The following ENTPD3 variants were observed in gnomAD, a reference collection of about 807,000 sequenced individuals.
The protein encoded by ENTPD3 is CD39 antigen-like 3.
ENTPD3 carries 60 observed loss-of-function variants against 51.2 expected under a neutral mutation model. That is an observed-to-expected ratio of 1.17 (90% confidence interval 0.95 to 1.45). The LOEUF is 1.45. Ranked by LOEUF, ENTPD3 falls within the 40% of genes most tolerant of loss-of-function variation. ENTPD3 has a pLI of 0.00. For synonymous variants in ENTPD3, 221 were observed against 238.4 expected (o/e 0.93, Z 0.67); for missense variants, 593 against 641.1 (o/e 0.93, Z 0.81).
At chr3:40,393,654 TAA>T (rs34726619) in intron 3 of ENTPD3, among the ~76,000 whole-genome samples, 1 of 150,952 alleles carries the variant, frequency 6.6e-6, no homozygotes, top group Non-Finnish European at 1.5e-5. Context: ...AATTAAAAAT[TAA>T]AAAAAAACCT....
At position 40,427,477 on chromosome 3, in the gene ENTPD3, ATGCC is replaced by A; in HGVS notation, c.1561_1564del (p.Ala521LeufsTer42). 2 of 1,613,376 alleles carry A rather than the reference ATGCC, an allele frequency of 1.2e-6. No individual in the cohort carries two copies. The highest frequency in any genetic ancestry group is 1.7e-6 in the Non-Finnish European group (2 of 1,180,008). The stretch of plus-strand genomic sequence containing the variant: ...ACCAGAAGAAAGAGGCACTCCGAGC[ATGCC>A]TTTGACCATGCAGTGGATTCTGACT... On this transcript the variant is annotated frameshift_variant, in exon 11 of 11. Coordinates refer to ENST00000301825, the MANE Select transcript of ENTPD3 (RefSeq NM_001248.4). LOFTEE classifies it high-confidence loss of function.
chr3:40,401,073 G>A (rs1394368902), intron 4 of ENTPD3, 62 bp downstream of exon 4: 2 of 1,237,738 alleles, frequency 1.6e-6, no homozygotes, highest in African/African-American at 1.5e-5. Context: ...TAAGTGTTTT[G>A]GAGGCCTGGA....
rs1956010294 is a variant in ENTPD3 at position 40,427,600 on chromosome 3, T to C, written c.*92T>C. On this transcript the variant is annotated 3_prime_UTR_variant, in exon 11 of 11. Transcript: ENST00000301825. ...AGGTGAAGTGGCTGCCTTCAGGAAA[T>C]ACAACTAACTAAAATCAAACACCTA... 1.3e-5 allele frequency: 12 copies of C among 920,820 alleles called. No homozygotes were observed. In the South Asian group the frequency reaches 1.8e-4, roughly 14 times the overall value. 57.0% of individuals were successfully genotyped at this position (920,820 alleles called of 1,614,324 possible). A position where few individuals can be genotyped will look rare whatever the true frequency, so the allele number is the denominator to read the frequency against.
chr3:40,421,046 C>T (rs1390950230), intron 7 of ENTPD3, among the ~76,000 whole-genome samples: 5 of 141,818 alleles, frequency 3.5e-5, no homozygotes, highest in Admixed American at 7.0e-5. Context: ...TTTTTTGAGA[C>T]GGAGTCTTGC....
rs531984275 is a variant in ENTPD3 at position 40,387,280 on chromosome 3, G to A, written c.-13+19G>A. ...CGCACAGGTAAGATCAGGGGACCCG[G>A]CGCCTGAGCTGCCGAGGAAGGAGTC... On this transcript the variant is annotated intron_variant, in intron 1 of 10. Transcript: ENST00000301825. The A allele has an allele frequency of 2.1e-3, 327 of 152,586 alleles. No homozygotes were observed. The highest frequency in any genetic ancestry group is 4.1e-3 in the Non-Finnish European group (278 of 68,224). 9.5% of individuals were successfully genotyped at this position (152,586 alleles called of 1,614,324 possible).
chr3:40,388,576 AC>A, intron 2 of ENTPD3, among the ~76,000 whole-genome samples: 1 of 62,454 alleles, frequency 1.6e-5, no homozygotes, highest in South Asian at 1.0e-3. Flanking sequence ...TGGAAGGCAC[AC>A]ACACACAGAC....
At position 40,414,801 on chromosome 3, in the gene ENTPD3, A is replaced by G; in HGVS notation, c.558A>G (p.Gly186=). The G allele has an allele frequency of 6.2e-7, 1 of 1,614,022 alleles. No individual in the cohort carries two copies. Among genetic ancestry groups the G allele is most frequent in the Non-Finnish European group, 8.5e-7 (1 of 1,179,956 alleles). ...IISGQEEGVY[G]WITANYLMGN... ...CTGGGCAAGAAGAAGGGGTATATGG[A>G]TGGATTACAGCCAACTATTTAATGG... Residue 186 remains glycine (G), a synonymous_variant, in exon 6 of 11, where the codon GGA becomes GGG. Transcript: ENST00000301825.
chr3:40,427,353 C>A lies in ENTPD3; in HGVS notation c.1435C>A (p.Arg479Ser). ...NQIPAESPLI[R>S]LPIEPPVFVG... ...GATCCCAGCTGAAAGCCCTCTGATCCGTCTGCCCATAGAACCACCTGTCTT... is the reference window on the plus strand; with the variant it reads ...GATCCCAGCTGAAAGCCCTCTGATCAGTCTGCCCATAGAACCACCTGTCTT... The change falls in exon 11 of 11, where the codon CGT (arginine) becomes AGT (serine). Residue 479 changes from arginine (R) to serine (S), a missense_variant. Transcript: ENST00000301825. The A allele has an allele frequency of 6.2e-7, 1 of 1,614,162 alleles. No homozygotes were observed. The highest frequency in any genetic ancestry group is 8.5e-7 in the Non-Finnish European group (1 of 1,180,030).
At chr3:40,387,879 C>T in intron 1 of ENTPD3, 167 bp from the exon 2 acceptor site, 1 of 569,186 alleles carries the variant, frequency 1.8e-6, no homozygotes, top group Non-Finnish European at 3.2e-6. Flanking sequence ...ATTTAAGCTC[C>T]AGCTTTGGGG....
intron 10 of ENTPD3, among the ~76,000 whole-genome samples, chr3:40,426,164 A>G (rs1349240097): frequency 7.5e-6 from 1 of 134,036 alleles, no homozygotes; most frequent in African/African-American, 2.8e-5. Flanking sequence ...GCTGGAGTGC[A>G]ATGGTGTGAT....
rs145124056 is a variant in ENTPD3, at chr3:40,411,953, G to A, written c.428G>A (p.Arg143His). 26 of 1,609,920 alleles carry A rather than the reference G, an allele frequency of 1.6e-5. 1 individual carries two copies. Among genetic ancestry groups the A allele is most frequent in the Admixed American group, 1.3e-4 (8 of 59,322 alleles). The change falls in exon 5 of 11, where the codon CGC becomes CAC. Residue 143 changes from arginine to histidine, a missense_variant. Physicochemically the swap from Arg to His is conservative, Grantham distance 29. Transcript: ENST00000301825. ...CACCTGGGAGCCACGGCTGGGATGC[G>A]CTTGCTGAGGTAAAGGCTAAGTGGC... is the stretch of plus-strand genomic sequence containing the variant. ...PIHLGATAGM[R>H]LLRLQNETAA...
chr3:40,418,819 AT>A (rs1238358829), intron 7 of ENTPD3, among the ~76,000 whole-genome samples: 6 of 152,130 alleles, frequency 3.9e-5, no homozygotes, highest in African/African-American at 1.4e-4. Flanking sequence ...CTAACCATAT[AT>A]TATGATCATT....
chr3:40,412,062 GC>G, intron 5 of ENTPD3, 100 bp downstream of exon 5: 1 of 1,202,606 alleles, frequency 8.3e-7, no homozygotes, highest in South Asian at 2.9e-5. Flanking sequence ...AACAACCCTC[GC>G]CCCCCAAAAA....
At position 40,423,065 on chromosome 3, in the gene ENTPD3, T is replaced by C; in HGVS notation, c.1047T>C (p.Asp349=). 6.2e-7 allele frequency: 1 copy of C among 1,614,132 alleles called. No homozygotes were observed. Among genetic ancestry groups the C allele is most frequent in the Non-Finnish European group, 8.5e-7 (1 of 1,179,990 alleles). Residue 349 remains aspartate (D), a synonymous_variant, in exon 8 of 11, where the codon GAT becomes GAC. Coordinates refer to ENST00000301825, the MANE Select transcript of ENTPD3 (RefSeq NM_001248.4). ...TATTTGACTTCAAAGCTTGCCATGA[T>C]CAAGAAACCTGTTCTTTTGATGGGG... ...ASIFDFKACH[D]QETCSFDGVY...
At chr3:40,414,024 C>CA (rs1393556050) in intron 5 of ENTPD3, among the ~76,000 whole-genome samples, 2 of 152,148 alleles carry the variant, frequency 1.3e-5, no homozygotes, top group Non-Finnish European at 2.9e-5. Context: ...AATAATCTCC[C>CA]AAGTGAGCTT....
chr3:40,394,355 CAG>C, intron 3 of ENTPD3: 1 of 310,000 alleles, frequency 3.2e-6, no homozygotes, highest in South Asian at 2.6e-5. Context: ...CTCCTGACCT[CAG>C]GTGATCCACC....
rs1014140822 is a variant in ENTPD3 at position 40,427,724 on chromosome 3, C to T, written c.*216C>T. 5.3e-6 allele frequency: 3 copies of T among 568,312 alleles called. No homozygotes were observed. The highest frequency in any genetic ancestry group is 2.1e-5 in the South Asian group (1 of 48,620). The allele number at this position is 568,312 out of a possible 1,614,324, so 35.2% of individuals were successfully genotyped here. A position where few individuals can be genotyped will look rare whatever the true frequency, so the allele number is the denominator to read the frequency against. ...TGTTCTTCAGAGACCTCACTACCCA[C>T]ATGCTGATCTATTGGGGAACAGAGA... is the stretch of plus-strand genomic sequence containing the variant. On this transcript the variant is annotated 3_prime_UTR_variant, in exon 11 of 11. Transcript: ENST00000301825.
rs767495462 is a variant in ENTPD3 at position 40,400,980 on chromosome 3, G to A, written c.255G>A (p.Val85=). Reference sequence around the variant, plus strand: ...CAGAAAAAGAGAATAATACCGGAGTGGTCAGTCAAACCTTCAAATGTAGTG... The same window carrying A: ...CAGAAAAAGAGAATAATACCGGAGTAGTCAGTCAAACCTTCAAATGTAGTG... ...WPAEKENNTG[V]VSQTFKCSVK... Residue 85 remains valine (V), a synonymous_variant, in exon 4 of 11, where the codon GTG becomes GTA. Coordinates refer to ENST00000301825, the MANE Select transcript of ENTPD3 (RefSeq NM_001248.4). The A allele has an allele frequency of 1.1e-5, 17 of 1,613,790 alleles. No individual in the cohort carries two copies. The highest frequency in any genetic ancestry group is 1.4e-5 in the Non-Finnish European group (16 of 1,179,954).
chr3:40,422,951 C>G lies in ENTPD3; in HGVS notation c.933C>G (p.Asp311Glu). 1 of 1,614,006 alleles carries G rather than the reference C, an allele frequency of 6.2e-7. No individual in the cohort carries two copies. Among genetic ancestry groups the G allele is most frequent in the Non-Finnish European group, 8.5e-7 (1 of 1,179,986 alleles). The change falls in exon 8 of 11, where the codon GAC (aspartate) becomes GAG (glutamate). Residue 311 changes from aspartate (D) to glutamate (E), a missense_variant. By Grantham distance (45) the Asp-to-Glu change is conservative. Transcript: ENST00000301825. ...GHVFDSLCTV[D>E]QRPESYNPND... ...TATTTGATAGCCTGTGCACTGTGGA[C>G]CAGAGGCCAGAAAGTTATAACCCCA... is the stretch of plus-strand genomic sequence containing the variant.
Sources: gnomAD v4.1 joint callset for allele counts (sites outside exome capture counted in the v4.1 genomes callset) on GRCh38, gnomAD v4.1.1 for gene constraint, MANE v1.5 for transcripts, NCBI Gene and HGNC (gene_info 2026-07-23, HGNC 2026-07-21) for gene names.